NBEA: variants seen among roughly 807,000 people sequenced by gnomAD.
The protein encoded by NBEA is lysosomal-trafficking regulator 2.
A neutral mutation model predicts 343.4 loss-of-function variants in NBEA; 44 were observed. That is an observed-to-expected ratio of 0.13 (90% confidence interval 0.10 to 0.16). NBEA has a LOEUF of 0.16. NBEA is among the 10% of genes least tolerant of loss of function. The pLI, the probability that NBEA is intolerant of heterozygous loss-of-function variation, is 1.00. For missense variants in NBEA, 2,555 were observed against 3,631.3 expected (o/e 0.70, Z 7.62); for synonymous variants, 1,175 against 1,238.7 (o/e 0.95, Z 1.08).
chr13:35,427,794 T>A (rs923019515), intron 38 of NBEA, among the ~76,000 whole-genome samples: 13 of 152,170 alleles, frequency 8.5e-5, no homozygotes, highest in Admixed American at 4.6e-4. Flanking sequence ...AGTTTGAGCT[T>A]CCCCGCTGCT....
chr13:35,567,209 G>A (rs1454553870), intron 45 of NBEA, among the ~76,000 whole-genome samples, 192 bp downstream of exon 45: 2 of 152,142 alleles, frequency 1.3e-5, no homozygotes, highest in African/African-American at 4.8e-5. Flanking sequence ...ACTAGTACTA[G>A]CATAGGCAAA....
chr13:35,171,745 T>A (rs907595696), intron 26 of NBEA, among the ~76,000 whole-genome samples: 1 of 152,020 alleles, frequency 6.6e-6, no homozygotes, highest in Non-Finnish European at 1.5e-5. Context: ...CATTTGTCAT[T>A]GAAGTGATTT....
chr13:35,615,129 C>CAAAAAAAAAAAAAAAAAAAAAAAAA (rs34475826), intron 48 of NBEA, among the ~76,000 whole-genome samples: 1 of 110,980 alleles, frequency 9.0e-6, no homozygotes. Context: ...ACTAAAAATA[C>CAAAAAAAAAAAAAAAAAAAAAAAAA]AAAAAAAAAA....
At chr13:35,451,387 G>T (rs2152945121) in intron 39 of NBEA, among the ~76,000 whole-genome samples, 1 of 152,314 alleles carries the variant, frequency 6.6e-6, no homozygotes, top group East Asian at 1.9e-4. Flanking sequence ...CTCCCAAAGT[G>T]CTGGGATTAC....
At chr13:35,107,283 C>T (rs183029564) in intron 11 of NBEA, among the ~76,000 whole-genome samples, 1 of 151,756 alleles carries the variant, frequency 6.6e-6, no homozygotes, top group Non-Finnish European at 1.5e-5. Flanking sequence ...GGTTCCCCCC[C>T]CTTTATTAAC....
In NBEA at chr13:35,222,539, C is replaced by T. The variant is rs144679816; in HGVS notation, c.5649-9953C>T. Among the ~76,000 whole-genome samples the T allele has an allele frequency of 4.7e-3, 717 of 151,904 alleles. 7 individuals carry two copies. Among genetic ancestry groups the T allele is most frequent in the Middle Eastern group, 0.024 (7 of 286 alleles). On this transcript the variant is annotated intron_variant, in intron 33 of 58. Transcript: ENST00000379939. Reference sequence around the variant, plus strand: ...TATTTTCTTTTTCTTCTTTTATGCCCTCTGTTGGGTTAATGGAGTATTTTT... The same window carrying T: ...TATTTTCTTTTTCTTCTTTTATGCCTTCTGTTGGGTTAATGGAGTATTTTT...
chr13:35,569,382 A>C lies in NBEA; in HGVS notation c.7035+2365A>C, dbSNP rs1336113674. Among the ~76,000 whole-genome samples the C allele has an allele frequency of 7.9e-5, 12 of 152,308 alleles. No homozygotes were observed. In the South Asian group the frequency reaches 2.5e-3, roughly 32 times the overall value. On this transcript the variant is annotated intron_variant, in intron 45 of 58. Coordinates refer to ENST00000379939, the MANE Select transcript of NBEA (RefSeq NM_001385012.1). ...GACATTATAAAATATATATACGATA[A>C]AAATTCAGAGTATAGATTCTCAGGT...
At chr13:35,373,017 G>A (rs1566042762) in intron 38 of NBEA, among the ~76,000 whole-genome samples, 1 of 152,128 alleles carries the variant, frequency 6.6e-6, no homozygotes, top group Non-Finnish European at 1.5e-5. Context: ...TTTATTATCA[G>A]AGCCTCCAAG....
chr13:35,008,559 A>G (rs1424216265), intron 1 of NBEA, among the ~76,000 whole-genome samples: 1 of 152,182 alleles, frequency 6.6e-6, no homozygotes, highest in East Asian at 1.9e-4. Flanking sequence ...AGTTGTTTGA[A>G]TCCATACACA....
At chr13:35,251,296 G>C in intron 34 of NBEA, 2 of 683,506 alleles carry the variant, frequency 2.9e-6, no homozygotes, top group South Asian at 8.9e-5. Context: ...TAGTATGCCA[G>C]CATCCCTGTG....
chr13:35,610,036 C>G (rs1593359118), intron 48 of NBEA, among the ~76,000 whole-genome samples: 3 of 152,298 alleles, frequency 2.0e-5, no homozygotes, highest in East Asian at 3.9e-4. Context: ...TCAAATGCCT[C>G]CAGATTCGTC....
chr13:35,664,423 C>T (rs996524697), intron 55 of NBEA, among the ~76,000 whole-genome samples: 5 of 152,146 alleles, frequency 3.3e-5, no homozygotes, highest in African/African-American at 9.7e-5. Flanking sequence ...AAAGAAAGAC[C>T]GCAAACAGAA....
intron 47 of NBEA, among the ~76,000 whole-genome samples, chr13:35,601,145 C>G (rs1291004795): frequency 2.6e-5 from 4 of 151,190 alleles, no homozygotes; most frequent in African/African-American, 9.7e-5. Flanking sequence ...CCATTGCACT[C>G]CAGCCTGGGT....
chr13:35,612,380 C>T (rs146130963), intron 48 of NBEA, among the ~76,000 whole-genome samples: 10,760 of 152,170 alleles, frequency 0.071, 403 homozygotes, highest in South Asian at 0.1. Context: ...GATCTGCCCA[C>T]GTTGACCTCC....
At chr13:35,261,565 A>G (rs2033220042) in intron 34 of NBEA, among the ~76,000 whole-genome samples, 1 of 152,026 alleles carries the variant, frequency 6.6e-6, no homozygotes. Flanking sequence ...TGGACAATGT[A>G]AAAAAGAAAG....
intron 34 of NBEA, among the ~76,000 whole-genome samples, chr13:35,270,463 T>C (rs1014367156): frequency 2.0e-5 from 3 of 152,184 alleles, no homozygotes; most frequent in Non-Finnish European, 4.4e-5. Flanking sequence ...CTCGTTCATC[T>C]CACTGGGACT....
In NBEA at chr13:35,649,649, C is replaced by A. The variant is rs780745198; in HGVS notation, c.7771-6C>A. 11 of 1,607,682 alleles carry A rather than the reference C, an allele frequency of 6.8e-6. No individual in the cohort carries two copies. The South Asian group carries it at 1.2e-4, about 18-fold the overall frequency. On this transcript the variant is annotated splice_polypyrimidine_tract_variant and splice_region_variant and intron_variant, in intron 51 of 58. Coordinates refer to ENST00000379939, the MANE Select transcript of NBEA (RefSeq NM_001385012.1). ...TCCTCTGTTCTCTTCCCTTTCTATT[C>A]AACAGTGTTTCCTTCCACAGAGTCC...
chr13:35,119,315 C>T (rs1178319883), intron 16 of NBEA, among the ~76,000 whole-genome samples: 1 of 152,004 alleles, frequency 6.6e-6, no homozygotes, highest in Non-Finnish European at 1.5e-5. Flanking sequence ...CAGTGAATTT[C>T]CACAGTTTTA....
intron 34 of NBEA, among the ~76,000 whole-genome samples, chr13:35,241,390 G>C (rs2030243491): frequency 6.6e-6 from 1 of 151,740 alleles, no homozygotes; most frequent in South Asian, 2.1e-4. Context: ...ACAAAACAAA[G>C]TGGATCTCTT....
Sources: gnomAD v4.1 joint callset for allele counts (sites outside exome capture counted in the v4.1 genomes callset) on GRCh38, gnomAD v4.1.1 for gene constraint, MANE v1.5 for transcripts, NCBI Gene and HGNC (gene_info 2026-07-23, HGNC 2026-07-21) for gene names.